The following STRBP variants were observed in gnomAD, a reference collection of about 807,000 sequenced individuals.
The protein encoded by STRBP is spermatid perinuclear RNA-binding protein.
Under a neutral mutation model 80.1 loss-of-function variants are expected in STRBP, and 13 were observed. The observed-to-expected ratio is 0.16, with a 90% CI of 0.11 to 0.26. The LOEUF is 0.26. Among genes scored for constraint, STRBP ranks in the 10% least tolerant of loss-of-function variants. STRBP has a pLI of 1.00. For missense variants in STRBP, 485 were observed against 815.2 expected (o/e 0.59, Z 4.93); for synonymous variants, 284 against 291.2 (o/e 0.98, Z 0.25).
At position 123,179,057 on chromosome 9, in the gene STRBP, TG is replaced by T; in HGVS notation, c.173del (p.Thr58LysfsTer7). 1 of 1,614,192 alleles carries T rather than the reference TG, an allele frequency of 6.2e-7. No homozygotes were observed. The highest frequency in any genetic ancestry group is 8.5e-7 in the Non-Finnish European group (1 of 1,180,012). ...CTTTCTTCACTTCTGTCTCACCCTC[TG>T]TTTTTGTGCCTTTATTTGTTTCATC... ...WLDETNKGTKTEGETEVKKDE... is the reference protein window; with the variant it reads ...WLDETNKGTKXEGETEVKKDE... On this transcript the variant is annotated frameshift_variant, in exon 4 of 19. Coordinates refer to ENST00000348403, the MANE Select transcript of STRBP (RefSeq NM_018387.5). LOFTEE classifies it high-confidence loss of function.
intron 17 of STRBP, 86 bp from the exon 18 acceptor site, chr9:123,128,344 C>T: frequency 6.7e-7 from 1 of 1,494,872 alleles, no homozygotes; most frequent in Non-Finnish European, 9.3e-7. Context: ...CTGCTCAGCA[C>T]CCTGGGCCCG....
At chr9:123,241,664 T>C (rs1454996046) in intron 1 of STRBP, among the ~76,000 whole-genome samples, 1 of 152,200 alleles carries the variant, frequency 6.6e-6, no homozygotes, top group Non-Finnish European at 1.5e-5. Context: ...TCCCTTTTCC[T>C]GTGGCCATGA....
intron 1 of STRBP, among the ~76,000 whole-genome samples, chr9:123,244,290 C>A (rs118046801): frequency 0.014 from 2,083 of 152,170 alleles, 29 homozygotes; most frequent in Middle Eastern, 0.02. Context: ...TCAGTGGTTG[C>A]CACGAACTGG....
intron 2 of STRBP, among the ~76,000 whole-genome samples, chr9:123,199,518 G>A (rs2039231694): frequency 6.6e-6 from 1 of 152,136 alleles, no homozygotes; most frequent in African/African-American, 2.4e-5. Flanking sequence ...ATGGGCATAG[G>A]ATGTGTTTCC....
At chr9:123,190,220 C>T (rs2038871214) in intron 2 of STRBP, among the ~76,000 whole-genome samples, 1 of 151,010 alleles carries the variant, frequency 6.6e-6, no homozygotes, top group Admixed American at 6.6e-5. Flanking sequence ...GCAGAAGTTG[C>T]AGTGAGCCAA....
At chr9:123,174,205 G>A (rs2038124909) in intron 4 of STRBP, among the ~76,000 whole-genome samples, 1 of 152,204 alleles carries the variant, frequency 6.6e-6, no homozygotes, top group African/African-American at 2.4e-5. Flanking sequence ...GGAGGTCAAG[G>A]CAGGAGGATC....
At chr9:123,222,283 A>G (rs2040091378) in intron 2 of STRBP, among the ~76,000 whole-genome samples, 1 of 151,884 alleles carries the variant, frequency 6.6e-6, no homozygotes, top group Admixed American at 6.6e-5. Context: ...TTCTTCAGAC[A>G]TGTGCCCCGA....
At chr9:123,181,011 TA>T in intron 3 of STRBP, 2 of 813,088 alleles carry the variant, frequency 2.5e-6, no homozygotes, top group Non-Finnish European at 1.5e-6. Context: ...TGGATAACAG[TA>T]AATTAACACT....
At chr9:123,258,194 A>C (rs1447971624) in intron 1 of STRBP, among the ~76,000 whole-genome samples, 1 of 152,228 alleles carries the variant, frequency 6.6e-6, no homozygotes, top group Non-Finnish European at 1.5e-5. Flanking sequence ...TGAAATCTAC[A>C]GAAAACAAAA....
intron 6 of STRBP, among the ~76,000 whole-genome samples, chr9:123,165,033 G>A (rs759203872): frequency 7.3e-5 from 11 of 151,722 alleles, no homozygotes; most frequent in South Asian, 2.1e-4. Flanking sequence ...CTGTAATCCC[G>A]GCACTTTGGG....
At chr9:123,168,535 T>G (rs1227494308) in intron 6 of STRBP, among the ~76,000 whole-genome samples, 1 of 152,202 alleles carries the variant, frequency 6.6e-6, no homozygotes, top group African/African-American at 2.4e-5. Context: ...AACTCCAACT[T>G]TACTGGTACC....
At position 123,254,456 on chromosome 9, in the gene STRBP, C is replaced by CAA. The variant is rs1205708821; in HGVS notation, c.-302+13978_-302+13979dup. Among the ~76,000 whole-genome samples the CAA allele has an allele frequency of 4.6e-3, 297 of 64,128 alleles. 2 individuals are homozygous for CAA. The highest frequency in any genetic ancestry group is 5.2e-3 in the Non-Finnish European group (109 of 21,024). The allele number at this position is 64,128 out of a possible 152,430, so 42.1% of individuals were successfully genotyped here. On this transcript the variant is annotated intron_variant, in intron 1 of 18. Coordinates refer to ENST00000348403, the MANE Select transcript of STRBP (RefSeq NM_018387.5). Reference sequence around the variant, plus strand: ...AGCCTGATCACGTGAGACTCCGTCTCAAAAAAAAAAAAAAAAAAAAAAAGA... The same window carrying CAA: ...AGCCTGATCACGTGAGACTCCGTCTCAAAAAAAAAAAAAAAAAAAAAAAAAGA...
intron 1 of STRBP, among the ~76,000 whole-genome samples, chr9:123,240,902 G>A (rs546272905): frequency 3.9e-5 from 6 of 152,262 alleles, no homozygotes; most frequent in East Asian, 1.9e-4. Flanking sequence ...GTGATTGGCC[G>A]GGCATGGTGG....
intron 2 of STRBP, among the ~76,000 whole-genome samples, chr9:123,186,682 G>T (rs1048943182): frequency 6.6e-6 from 1 of 152,046 alleles, no homozygotes. Context: ...ACAAGACATG[G>T]TCTGAAACCT....
At chr9:123,266,378 A>G (rs1333292630) in intron 1 of STRBP, among the ~76,000 whole-genome samples, 1 of 151,994 alleles carries the variant, frequency 6.6e-6, no homozygotes. Flanking sequence ...ACTTTCAGAT[A>G]TGACACTGAG....
intron 2 of STRBP, among the ~76,000 whole-genome samples, chr9:123,218,620 C>T (rs899840481): frequency 2.2e-4 from 33 of 152,026 alleles, no homozygotes; most frequent in African/African-American, 7.0e-4. Context: ...CCACCCGCCT[C>T]GGCCTCCCAA....
At chr9:123,202,791 T>A (rs1426573212) in intron 2 of STRBP, among the ~76,000 whole-genome samples, 1 of 152,138 alleles carries the variant, frequency 6.6e-6, no homozygotes, top group African/African-American at 2.4e-5. Context: ...TGTATGCCTA[T>A]CAGAACATCA....
intron 2 of STRBP, among the ~76,000 whole-genome samples, chr9:123,229,030 A>G (rs1199832563): frequency 6.6e-6 from 1 of 152,254 alleles, no homozygotes; most frequent in Admixed American, 6.5e-5. Flanking sequence ...CATACATGTT[A>G]TAATACGCAT....
chr9:123,228,326 A>C (rs2040302704), intron 2 of STRBP, among the ~76,000 whole-genome samples: 1 of 152,246 alleles, frequency 6.6e-6, no homozygotes, highest in Non-Finnish European at 1.5e-5. Flanking sequence ...CTTGGGAGCC[A>C]GTTCAAGGAT....
Sources: allele counts gnomAD v4.1 joint callset (sites outside exome capture counted in the v4.1 genomes callset), GRCh38; gene constraint gnomAD v4.1.1; transcripts MANE v1.5; gene names NCBI Gene and HGNC (gene_info 2026-07-23, HGNC 2026-07-21).